Variants in DGKB observed in about 807,000 individuals in gnomAD.
The protein encoded by DGKB is diacylglycerol kinase beta, also known as 90 kDa diacylglycerol kinase.
In DGKB, 67 loss-of-function variants were observed where a neutral mutation model predicts 114.3. The observed-to-expected ratio is 0.59, with a 90% confidence interval of 0.48 to 0.72. The LOEUF (loss-of-function observed/expected upper bound fraction) is 0.72. Ranked by LOEUF, DGKB falls within the 30% of genes least tolerant of loss-of-function variation. The pLI, the probability that DGKB is intolerant of heterozygous loss-of-function variation, is 0.00. For missense variants in DGKB, 907 were observed against 975.2 expected (o/e 0.93, Z 0.93); for synonymous variants, 398 against 323.1 (o/e 1.23, Z -2.49).
At chr7:14,238,394 C>T (rs1793129879) in intron 23 of DGKB, among the ~76,000 whole-genome samples, 1 of 151,982 alleles carries the variant, frequency 6.6e-6, no homozygotes, top group Admixed American at 6.6e-5. Flanking sequence ...GAGGCCTCCC[C>T]AGCCATGTGG....
rs1448838837 is a variant in DGKB, at chr7:14,778,701, G to A, written c.71-20970C>T. ...CGATTGGTTTTATTCAGTTAGAAGG[G>A]AGAGGTGAAGAGGGAGTTGACTTGT... On this transcript the variant is annotated intron_variant, in intron 2 of 25. Coordinates refer to ENST00000402815, the MANE Select transcript of DGKB (RefSeq NM_001350709.2). Among the ~76,000 whole-genome samples, 4 of 152,196 alleles carry A rather than the reference G, an allele frequency of 2.6e-5. No homozygotes were observed. The East Asian group carries it at 7.7e-4, about 29-fold the overall frequency.
Position 14,262,386 on chromosome 7 carries a change from C to T in DGKB, c.2122+76129G>A, listed in dbSNP as rs867641381. Among the ~76,000 whole-genome samples the T allele has an allele frequency of 2.0e-5, 3 of 152,222 alleles. No individual in the cohort carries two copies. The South Asian group carries it at 6.2e-4, about 32-fold the overall frequency. ...GAGATTAATTTTTTTATAAGAGACACCCAGGGGACCTTGCTTGCCCCTTCT... is the reference window on the plus strand; with the variant it reads ...GAGATTAATTTTTTTATAAGAGACATCCAGGGGACCTTGCTTGCCCCTTCT... On this transcript the variant is annotated intron_variant, in intron 23 of 25. Transcript: ENST00000402815.
intron 21 of DGKB, among the ~76,000 whole-genome samples, chr7:14,435,129 G>A (rs758605664): frequency 1.3e-5 from 2 of 151,986 alleles, no homozygotes; most frequent in African/African-American, 4.8e-5. Context: ...CTCTTGATCT[G>A]GATTTTTATC....
Position 14,836,553 on chromosome 7 carries a change from G to A in DGKB, c.70+4641C>T, listed in dbSNP as rs146994736. Among the ~76,000 whole-genome samples the A allele has an allele frequency of 6.0e-3, 920 of 152,298 alleles. 7 individuals are homozygous for A. The highest frequency in any genetic ancestry group is 0.017 in the Middle Eastern group (5 of 294). On this transcript the variant is annotated intron_variant, in intron 2 of 25. Transcript: ENST00000402815. Reference sequence around the variant, plus strand: ...CCCTTTGCTGTGACGTGGAACCACAGCAGAAAGCACCGACAGACCAATAAT... The same window carrying A: ...CCCTTTGCTGTGACGTGGAACCACAACAGAAAGCACCGACAGACCAATAAT...
intron 23 of DGKB, among the ~76,000 whole-genome samples, chr7:14,291,510 ATTGGTTTCG>A (rs1350228095): frequency 1.3e-5 from 2 of 152,110 alleles, no homozygotes; most frequent in Admixed American, 1.3e-4. Flanking sequence ...TAATCCCAAA[ATTGGTTTCG>A]TTCAGAAATC....
chr7:14,447,836 G>A (rs923792805), intron 21 of DGKB, among the ~76,000 whole-genome samples: 6 of 152,004 alleles, frequency 3.9e-5, no homozygotes, highest in African/African-American at 9.6e-5. Context: ...TGACTTTGAC[G>A]GTGTCGGGAA....
rs562670757 is a variant in DGKB at position 14,792,457 on chromosome 7, A to C, written c.71-34726T>G. On this transcript the variant is annotated intron_variant, in intron 2 of 25. Transcript: ENST00000402815. ...CTGGGACTAGGCAAGTCTCAACTCA[A>C]GTAGGTGGACAGTGATAGGCAGAAG... Among the ~76,000 whole-genome samples, 7 of 152,234 alleles carry C rather than the reference A, an allele frequency of 4.6e-5. No homozygotes were observed. The South Asian group carries it at 1.4e-3, about 32-fold the overall frequency.
At chr7:14,476,960 C>G (rs1782273282) in intron 21 of DGKB, among the ~76,000 whole-genome samples, 1 of 151,970 alleles carries the variant, frequency 6.6e-6, no homozygotes, top group Non-Finnish European at 1.5e-5. Context: ...TCATGTTGGT[C>G]AGGCTGGTCT....
intron 23 of DGKB, among the ~76,000 whole-genome samples, chr7:14,219,654 G>C (rs545792938): frequency 1.0e-3 from 157 of 151,766 alleles, no homozygotes; most frequent in African/African-American, 3.7e-3. Context: ...TTATTGAGTT[G>C]TATCATTACA....
At chr7:14,926,686 A>G (rs978224401) in intron 1 of DGKB, among the ~76,000 whole-genome samples, 1 of 151,704 alleles carries the variant, frequency 6.6e-6, no homozygotes, top group African/African-American at 2.4e-5. Context: ...ATTTCTTTAA[A>G]TATATTTAAC....
chr7:14,563,133 T>G (rs570421845), intron 20 of DGKB, among the ~76,000 whole-genome samples: 2 of 152,192 alleles, frequency 1.3e-5, no homozygotes, highest in African/African-American at 4.8e-5. Context: ...CCTGCCACCA[T>G]GTAAGGCACG....
chr7:14,357,300 T>C (rs6953678), intron 21 of DGKB, among the ~76,000 whole-genome samples: 11,704 of 152,250 alleles, frequency 0.077, 748 homozygotes, highest in African/African-American at 0.17. Context: ...TGCATATATA[T>C]TTAGGATAGT....
chr7:14,623,206 A>C (rs1023429239), intron 14 of DGKB, among the ~76,000 whole-genome samples: 2 of 152,168 alleles, frequency 1.3e-5, no homozygotes, highest in Non-Finnish European at 2.9e-5. Context: ...GATGTGAAAA[A>C]TTGTCCTAAT....
At chr7:14,863,634 C>T (rs1168822627) in intron 1 of DGKB, among the ~76,000 whole-genome samples, 6 of 151,852 alleles carry the variant, frequency 4.0e-5, no homozygotes, top group Non-Finnish European at 8.8e-5. Context: ...TTGTAATTGA[C>T]AAATAATAAT....
At chr7:14,846,082 G>C (rs996358942) in intron 1 of DGKB, among the ~76,000 whole-genome samples, 2 of 152,098 alleles carry the variant, frequency 1.3e-5, no homozygotes, top group African/African-American at 4.8e-5. Flanking sequence ...AGCATGACCT[G>C]GTCAACTTAG....
At chr7:14,223,778 A>T (rs546410694) in intron 23 of DGKB, among the ~76,000 whole-genome samples, 1 of 151,728 alleles carries the variant, frequency 6.6e-6, no homozygotes, top group East Asian at 2.0e-4. Flanking sequence ...TACAGAATTC[A>T]TGGTTGATTT....
Position 14,682,655 on chromosome 7 carries a change from G to GT in DGKB, c.932dup (p.Tyr311Ter). 1 of 1,613,276 alleles carries GT rather than the reference G, an allele frequency of 6.2e-7. No individual in the cohort carries two copies. The highest frequency in any genetic ancestry group is 1.1e-5 in the South Asian group (1 of 91,062). ...SKRNTDVMHH[Y>*]WVEGNCPTKC... ...TGGTTGGGCAGTTACCTTCAACCCA[G>GT]TAATGGTGCATGACCTAGAACAGAA... Residue 311 changes from tyrosine (Y) to a stop codon, truncating the protein, a stop_gained and frameshift_variant, in exon 12 of 26, where the codon TAC becomes TAAC. Coordinates refer to ENST00000402815, the MANE Select transcript of DGKB (RefSeq NM_001350709.2). LOFTEE classifies it high-confidence loss of function.
intron 2 of DGKB, among the ~76,000 whole-genome samples, chr7:14,779,324 C>T (rs375541829): frequency 4.6e-5 from 7 of 151,852 alleles, no homozygotes; most frequent in African/African-American, 2.4e-5. Context: ...TTGCTTGAGC[C>T]GAGGAGTTCA....
chr7:14,670,418 T>G (rs1298369342), intron 13 of DGKB, among the ~76,000 whole-genome samples: 9 of 151,924 alleles, frequency 5.9e-5, no homozygotes, highest in Non-Finnish European at 1.2e-4. Context: ...TTCCCCTGCC[T>G]CAGCCTCCTC....
Sources: gnomAD v4.1 joint callset for allele counts (sites outside exome capture counted in the v4.1 genomes callset) on GRCh38, gnomAD v4.1.1 for gene constraint, MANE v1.5 for transcripts, NCBI Gene and HGNC (gene_info 2026-07-23, HGNC 2026-07-21) for gene names.